Variants in PLXNA1 observed in about 807,000 individuals in gnomAD.
PLXNA1 encodes the protein plexin-A1.
Under a neutral mutation model 191.7 loss-of-function variants are expected in PLXNA1, and 77 were observed. The observed-to-expected ratio is 0.40, with a 90% CI of 0.33 to 0.49. The LOEUF (loss-of-function observed/expected upper bound fraction) is 0.49, where lower values mean the gene tolerates loss of function less well. Among genes scored for constraint, PLXNA1 ranks in the 20% least tolerant of loss-of-function variants. PLXNA1 has a pLI of 0.63. For synonymous variants in PLXNA1, 1,137 were observed against 1,156.4 expected (o/e 0.98, Z 0.34); for missense variants, 2,110 against 2,660.2 (o/e 0.79, Z 4.55).
chr3:126,992,195 G>A (rs1462050130), intron 3 of PLXNA1, among the ~76,000 whole-genome samples: 2 of 152,204 alleles, frequency 1.3e-5, no homozygotes, highest in Non-Finnish European at 2.9e-5. Flanking sequence ...ACAGTGGGCT[G>A]GACAGAGGCA....
chr3:126,998,837 G>C (rs9819559), intron 3 of PLXNA1, among the ~76,000 whole-genome samples: 5,246 of 152,276 alleles, frequency 0.034, 305 homozygotes, highest in African/African-American at 0.12. Flanking sequence ...CTGGGGGTTG[G>C]GGGTGGAAGA....
chr3:127,011,979 T>A lies in PLXNA1; in HGVS notation c.2134T>A (p.Ser712Thr), dbSNP rs1468414142. ...VSEDCPQILP[S>T]TQIYVPVGVV... ...CCAGGACTGCCCACAGATCCTGCCC[T>A]CCACGCAGATCTACGTGCCAGTGGG... is the stretch of plus-strand genomic sequence containing the variant. The change falls in exon 10 of 32, where the codon TCC (serine) becomes ACC (threonine). Residue 712 changes from serine (S) to threonine (T), a missense_variant. By Grantham distance (58) the Ser-to-Thr change is moderately conservative. Around this residue, in one of 4 missense-constraint regions of PLXNA1, gnomAD observed 903 missense variants for 1,015.7 expected, o/e 0.89. Coordinates refer to ENST00000393409, the MANE Select transcript of PLXNA1 (RefSeq NM_032242.4). 1 of 1,613,470 alleles carries A rather than the reference T, an allele frequency of 6.2e-7. No individual in the cohort carries two copies. Among genetic ancestry groups the A allele is most frequent in the Non-Finnish European group, 8.5e-7 (1 of 1,179,880 alleles).
chr3:127,025,509 T>C (rs2079172904), intron 23 of PLXNA1, among the ~76,000 whole-genome samples: 1 of 152,210 alleles, frequency 6.6e-6, no homozygotes, highest in Non-Finnish European at 1.5e-5. Context: ...TTGAGTGGTA[T>C]TGGATGCATT....
intron 25 of PLXNA1, chr3:127,028,720 A>G (rs1379647273): frequency 1.8e-6 from 1 of 546,370 alleles, no homozygotes; most frequent in Non-Finnish European, 3.2e-6. Context: ...TCCCCACAGA[A>G]GCCTCGGTGC....
At chr3:127,013,213 C>T (rs1453824842) in intron 10 of PLXNA1, among the ~76,000 whole-genome samples, 19 of 152,236 alleles carry the variant, frequency 1.2e-4, no homozygotes, top group Non-Finnish European at 1.6e-4. Flanking sequence ...GTTCTATCAC[C>T]AACTCTTCGC....
chr3:127,019,406 G>C (rs2079141493), intron 20 of PLXNA1, among the ~76,000 whole-genome samples: 1 of 152,194 alleles, frequency 6.6e-6, no homozygotes, highest in South Asian at 2.1e-4. Context: ...CTGGAGGCAG[G>C]TGTGTGTTGG....
At position 127,016,956 on chromosome 3, in the gene PLXNA1, C is replaced by G. The variant is rs767883294; in HGVS notation, c.3195C>G (p.Leu1065=). The G allele has an allele frequency of 1.2e-6, 2 of 1,613,116 alleles. No homozygotes were observed. Among genetic ancestry groups the G allele is most frequent in the African/African-American group, 2.7e-5 (2 of 74,932 alleles). The part of the protein sequence containing the change: ...PEWSINSGGT[L]LTVTGTNLAT... ...TGTCCTGTTCCAGCGGTGGGACCCT[C>G]CTGACGGTCACAGGCACCAACCTGG... The change falls in exon 17 of 32, where the codon CTC becomes CTG. Residue 1065 remains leucine, a synonymous_variant. Transcript: ENST00000393409.
chr3:126,996,537 C>G (rs2079015683), intron 3 of PLXNA1, among the ~76,000 whole-genome samples: 1 of 152,166 alleles, frequency 6.6e-6, no homozygotes, highest in African/African-American at 2.4e-5. Context: ...GCCTCCCTGT[C>G]CAGGGTCTGT....
chr3:127,004,771 G>T, intron 5 of PLXNA1, 60 bp downstream of exon 5: 1 of 1,590,608 alleles, frequency 6.3e-7, no homozygotes, highest in Non-Finnish European at 8.6e-7. Flanking sequence ...TCACAGTGGG[G>T]GAGGGGGAGC....
Position 127,015,260 on chromosome 3 carries a change from A to G in PLXNA1, c.2954A>G (p.His985Arg). 1 of 1,610,528 alleles carries G rather than the reference A, an allele frequency of 6.2e-7. No homozygotes were observed. Among genetic ancestry groups the G allele is most frequent in the Non-Finnish European group, 8.5e-7 (1 of 1,179,444 alleles). The change falls in exon 15 of 32, where the codon CAC (histidine) becomes CGC (arginine). Residue 985 changes from histidine to arginine, a missense_variant. By Grantham distance (29) the His-to-Arg change is conservative. Around this residue, in one of 4 missense-constraint regions of PLXNA1, gnomAD observed 644 missense variants for 714.3 expected, o/e 0.90. Coordinates refer to ENST00000393409, the MANE Select transcript of PLXNA1 (RefSeq NM_032242.4). ...ACCTGGATTGGCATCGAGGGAAGCC[A>G]CCTGAACGCAGGCAGTGATGTGGCT... is the stretch of plus-strand genomic sequence containing the variant. ...GGTWIGIEGS[H>R]LNAGSDVAVS...
At chr3:126,996,219 C>T (rs895385942) in intron 3 of PLXNA1, among the ~76,000 whole-genome samples, 2 of 152,158 alleles carry the variant, frequency 1.3e-5, no homozygotes, top group African/African-American at 2.4e-5. Context: ...TGGAGCCCTG[C>T]GCAGCGTGGG....
rs540142968 is a variant in PLXNA1, at chr3:127,021,884, G to A, written c.4039-201G>A. Among the ~76,000 whole-genome samples, 12 of 152,362 alleles carry A rather than the reference G, an allele frequency of 7.9e-5. No homozygotes were observed. The South Asian group carries it at 2.1e-3, about 26-fold the overall frequency. On this transcript the variant is annotated intron_variant, in intron 21 of 31. Coordinates refer to ENST00000393409, the MANE Select transcript of PLXNA1 (RefSeq NM_032242.4). Reference sequence around the variant, plus strand: ...AGGCAGTGGTGGCAGCACCCAGGTCGTGTCCATTTTGCTAAGGACAGGTGA... The same window carrying A: ...AGGCAGTGGTGGCAGCACCCAGGTCATGTCCATTTTGCTAAGGACAGGTGA...
chr3:126,988,172 T>C (rs2078968968), intron 1 of PLXNA1, among the ~76,000 whole-genome samples: 1 of 152,156 alleles, frequency 6.6e-6, no homozygotes, highest in South Asian at 2.1e-4. Flanking sequence ...TGAAGGCTGC[T>C]CTCCAGGTTG....
Position 127,005,179 on chromosome 3 carries a change from G to C in PLXNA1, c.1833G>C (p.Glu611Asp). ...TCACGGAATCTGAGAGCGTCCTGGA[G>C]GATGGCCGGATCCACTGCCGCTCAC... ...EDFTESESVL[E>D]DGRIHCRSPS... is the part of the protein sequence containing the mutation. The change falls in exon 7 of 32, where the codon GAG becomes GAC. Residue 611 changes from glutamate to aspartate, a missense_variant. Glu to Asp is a conservative substitution (Grantham distance 45). Around this residue, in one of 4 missense-constraint regions of PLXNA1, gnomAD observed 903 missense variants for 1,015.7 expected, o/e 0.89. Transcript: ENST00000393409. 1 of 1,612,464 alleles carries C rather than the reference G, an allele frequency of 6.2e-7. No homozygotes were observed. The highest frequency in any genetic ancestry group is 8.5e-7 in the Non-Finnish European group (1 of 1,179,846).
rs1432543450 is a variant in PLXNA1 at position 127,006,093 on chromosome 3, G to C, written c.1912G>C (p.Val638Leu). The change falls in exon 8 of 32, where the codon GTG (valine) becomes CTG (leucine). Residue 638 changes from valine to leucine, a missense_variant. This residue lies in a region of PLXNA1 where 903 missense variants were observed against 1,015.7 expected (regional missense o/e 0.89). Coordinates refer to ENST00000393409, the MANE Select transcript of PLXNA1 (RefSeq NM_032242.4). Reference protein sequence around the residue: ...ITRGQGDQRVVKLYLKSKETG... With the variant: ...ITRGQGDQRVLKLYLKSKETG... ...TGCTCGTGCAGGAGACCAGCGGGTG[G>C]TGAAACTCTACCTAAAGTCCAAGGA... The C allele has an allele frequency of 6.2e-7, 1 of 1,613,792 alleles. No individual in the cohort carries two copies. The highest frequency in any genetic ancestry group is 1.1e-5 in the South Asian group (1 of 91,088).
In PLXNA1 at chr3:127,017,699, A is replaced by G. The variant is rs756957339; in HGVS notation, c.3516+35A>G. On this transcript the variant is annotated intron_variant, in intron 18 of 31. Coordinates refer to ENST00000393409, the MANE Select transcript of PLXNA1 (RefSeq NM_032242.4). The stretch of plus-strand genomic sequence containing the variant: ...CATTGCCCGTAGGCTGGGCCAAGCC[A>G]GGGAAGAGGCCCCTCGTCCTGGGCT... 9 of 1,612,954 alleles carry G rather than the reference A, an allele frequency of 5.6e-6. No homozygotes were observed. The Admixed American group carries it at 8.3e-5, about 15-fold the overall frequency.
At chr3:127,015,605 G>T (rs571221740) in intron 15 of PLXNA1, among the ~76,000 whole-genome samples, 1 of 152,336 alleles carries the variant, frequency 6.6e-6, no homozygotes, top group South Asian at 2.1e-4. Context: ...TACAAAATAA[G>T]AAGTATTTTT....
chr3:127,017,601 A>G lies in PLXNA1; in HGVS notation c.3453A>G (p.Val1151=). Residue 1151 remains valine, a synonymous_variant, in exon 18 of 32, where the codon GTA becomes GTG. Transcript: ENST00000393409. The part of the protein sequence containing the change: ...STSFLYYPDP[V]LEPLSPTGLL... ...CCTTCCTCTACTACCCTGACCCCGTACTGGAGCCACTCAGCCCCACTGGCC... is the reference window on the plus strand; with the variant it reads ...CCTTCCTCTACTACCCTGACCCCGTGCTGGAGCCACTCAGCCCCACTGGCC... 1 of 1,613,502 alleles carries G rather than the reference A, an allele frequency of 6.2e-7. No homozygotes were observed. The highest frequency in any genetic ancestry group is 8.5e-7 in the Non-Finnish European group (1 of 1,179,996).
chr3:127,005,199 G>A lies in PLXNA1; in HGVS notation c.1853G>A (p.Arg618His), dbSNP rs116047844. 772 of 1,611,794 alleles carry A rather than the reference G, an allele frequency of 4.8e-4. 3 individuals are homozygous for A. Among genetic ancestry groups the A allele is most frequent in the African/African-American group, 4.6e-3 (343 of 75,048 alleles). Reference sequence around the variant, plus strand: ...CTGGAGGATGGCCGGATCCACTGCCGCTCACCCTCCGCCCGGGAGGTGGCG... The same window carrying A: ...CTGGAGGATGGCCGGATCCACTGCCACTCACCCTCCGCCCGGGAGGTGGCG... ...SVLEDGRIHC[R>H]SPSAREVAPI... Residue 618 changes from arginine to histidine, a missense_variant, in exon 7 of 32, where the codon CGC becomes CAC. Physicochemically the swap from Arg to His is conservative, Grantham distance 29. Transcript: ENST00000393409.
Sources: allele counts gnomAD v4.1 joint callset (sites outside exome capture counted in the v4.1 genomes callset), GRCh38; gene constraint gnomAD v4.1.1; regional missense constraint gnomAD v4.1.1; transcripts MANE v1.5; gene names NCBI Gene and HGNC (gene_info 2026-07-23, HGNC 2026-07-21).